BNIP2: variants seen among roughly 807,000 people sequenced by gnomAD.
BNIP2 encodes BCL2 interacting protein 2, also known as BCL2/adenovirus E1B 19 kDa protein-interacting protein 2.
A neutral mutation model predicts 43.4 loss-of-function variants in BNIP2; 36 were observed. That is an observed-to-expected ratio of 0.83 (90% CI 0.64 to 1.10). The LOEUF (loss-of-function observed/expected upper bound fraction) is 1.10, where lower values mean the gene tolerates loss of function less well. Ranked by LOEUF, BNIP2 falls within the 50% of genes least tolerant of loss-of-function variation. The probability of loss-of-function intolerance (pLI) is 0.00; values close to 1 mark genes in which losing one functional copy is unlikely to be tolerated. For synonymous variants in BNIP2, 146 were observed against 121.0 expected (o/e 1.21, Z -1.35); for missense variants, 417 against 374.1 (o/e 1.11, Z -0.95).
At chr15:59,671,888 C>G (rs1462232008) in intron 6 of BNIP2, among the ~76,000 whole-genome samples, 1 of 152,098 alleles carries the variant, frequency 6.6e-6, no homozygotes, top group Admixed American at 6.5e-5. Flanking sequence ...CCAACCCTGG[C>G]AACATAGTGA....
intron 1 of BNIP2, among the ~76,000 whole-genome samples, chr15:59,688,075 C>T (rs935306933): frequency 1.3e-5 from 2 of 152,162 alleles, no homozygotes; most frequent in Non-Finnish European, 2.9e-5. Context: ...GTTCCGTTTG[C>T]AGAAGTGGAT....
chr15:59,669,644 A>T (rs796275262), intron 7 of BNIP2, among the ~76,000 whole-genome samples: 59 of 152,328 alleles, frequency 3.9e-4, no homozygotes, highest in African/African-American at 1.4e-3. Context: ...AGGACTCTGT[A>T]AACAGGGAAA....
In BNIP2 at chr15:59,662,355, A is replaced by C. The variant is rs1481119917; in HGVS notation, c.*1714T>G. On this transcript the variant is annotated 3_prime_UTR_variant, in exon 10 of 10. Transcript: ENST00000607373. ...TTGTTAGTTTGCTTCTTCAACAACA[A>C]GTGTTCCTAAAATGTGAGCAAGCAA... is the stretch of plus-strand genomic sequence containing the variant. 1 of 152,224 alleles carries C rather than the reference A, an allele frequency of 6.6e-6. No homozygotes were observed. The highest frequency in any genetic ancestry group is 1.5e-5 in the Non-Finnish European group (1 of 68,036). The allele number at this position is 152,224 out of a possible 1,614,324, so 9.4% of individuals were successfully genotyped here. A position where few individuals can be genotyped will look rare whatever the true frequency, so the allele number is the denominator to read the frequency against.
chr15:59,669,931 T>C (rs926439916), intron 7 of BNIP2, among the ~76,000 whole-genome samples: 10 of 152,220 alleles, frequency 6.6e-5, no homozygotes, highest in Non-Finnish European at 5.9e-5. Context: ...GTGAGATACA[T>C]ATATAATCAT....
At chr15:59,689,077 G>A (rs1431031115) in intron 1 of BNIP2, 58 bp downstream of exon 1, 2 of 1,504,458 alleles carry the variant, frequency 1.3e-6, no homozygotes, top group African/African-American at 1.4e-5. Flanking sequence ...TCGCCCCTAG[G>A]CCGGTTCCCA....
chr15:59,669,213 G>T, intron 8 of BNIP2, 63 bp downstream of exon 8: 1 of 1,186,484 alleles, frequency 8.4e-7, no homozygotes, highest in Non-Finnish European at 1.2e-6. Flanking sequence ...TAGTTATTAT[G>T]TGTTAACTAA....
intron 5 of BNIP2, among the ~76,000 whole-genome samples, chr15:59,674,505 T>A (rs1443671176): frequency 1.3e-5 from 2 of 152,222 alleles, no homozygotes; most frequent in Non-Finnish European, 2.9e-5. Context: ...TGATGCAGAT[T>A]ACGCCATTTT....
chr15:59,686,351 C>A (rs867455897), intron 1 of BNIP2, among the ~76,000 whole-genome samples: 3 of 152,098 alleles, frequency 2.0e-5, no homozygotes, highest in Admixed American at 6.5e-5. Flanking sequence ...GAAGTTCAAG[C>A]CTAGCTTGGG....
intron 4 of BNIP2, chr15:59,678,760 G>C: frequency 7.7e-7 from 1 of 1,293,142 alleles, no homozygotes; most frequent in Non-Finnish European, 1.0e-6. Context: ...AAAGATGGGG[G>C]GAGGGGGAAA....
rs1555395531 is a variant in BNIP2, at chr15:59,660,783, G to GAAAAAGCA, written c.*3285_*3286insTGCTTTTT. The GAAAAAGCA allele has an allele frequency of 6.6e-6, 1 of 151,812 alleles. No homozygotes were observed. Among genetic ancestry groups the GAAAAAGCA allele is most frequent in the Non-Finnish European group, 1.5e-5 (1 of 67,996 alleles). 9.4% of individuals were successfully genotyped at this position (151,812 alleles called of 1,614,324 possible). On this transcript the variant is annotated 3_prime_UTR_variant, in exon 10 of 10. Coordinates refer to ENST00000607373, the MANE Select transcript of BNIP2 (RefSeq NM_004330.4). ...TCAATGTTCAGCAACAGTGAAATAT[G>GAAAAAGCA]AAAAAACAAAAAAACCAACCAAAAA... is the stretch of plus-strand genomic sequence containing the variant.
intron 5 of BNIP2, chr15:59,677,188 T>C: frequency 6.3e-7 from 1 of 1,593,858 alleles, no homozygotes; most frequent in East Asian, 2.2e-5. Flanking sequence ...AAGGATCCAG[T>C]GGAACCACAT....
rs549799292 is a variant in BNIP2 at position 59,663,343 on chromosome 15, C to A, written c.*726G>T. On this transcript the variant is annotated 3_prime_UTR_variant, in exon 10 of 10. Coordinates refer to ENST00000607373, the MANE Select transcript of BNIP2 (RefSeq NM_004330.4). ...ATATATACAAACCCTAATTCCTACC[C>A]TCTTAAATCCTCTAGTTCTAAGAAT... 1.3e-5 allele frequency: 2 copies of A among 152,422 alleles called. No homozygotes were observed. Among genetic ancestry groups the A allele is most frequent in the Admixed American group, 1.3e-4 (2 of 15,304 alleles). The allele number at this position is 152,422 out of a possible 1,614,324, so 9.4% of individuals were successfully genotyped here.
intron 4 of BNIP2, 99 bp from the exon 5 acceptor site, chr15:59,678,186 A>G (rs1191559910): frequency 2.8e-6 from 4 of 1,435,498 alleles, no homozygotes; most frequent in Non-Finnish European, 2.7e-6. Context: ...GAGAATTTTC[A>G]TTATACCATC....
chr15:59,666,164 GTCAC>G (rs1169004500), intron 9 of BNIP2, among the ~76,000 whole-genome samples: 2 of 151,914 alleles, frequency 1.3e-5, no homozygotes, highest in African/African-American at 4.8e-5. Context: ...TCCTTTTTCT[GTCAC>G]TGGGGACACT....
At chr15:59,669,448 A>C in intron 7 of BNIP2, 86 bp from the exon 8 acceptor site, 3 of 930,336 alleles carry the variant, frequency 3.2e-6, no homozygotes, top group Non-Finnish European at 4.7e-6. Flanking sequence ...ACAAAATAAT[A>C]GTTGAAAAAT....
intron 9 of BNIP2, among the ~76,000 whole-genome samples, chr15:59,667,316 C>T (rs1201237045): frequency 2.0e-5 from 3 of 152,084 alleles, no homozygotes; most frequent in Admixed American, 6.5e-5. Flanking sequence ...AATCTCTCAC[C>T]GTAACTCTTA....
intron 1 of BNIP2, among the ~76,000 whole-genome samples, chr15:59,683,018 T>G (rs1051954582): frequency 2.2e-4 from 34 of 152,346 alleles, no homozygotes; most frequent in African/African-American, 8.2e-4. Context: ...CCACAATTCC[T>G]GAGCCACTTA....
In BNIP2 at chr15:59,689,152, C is replaced by T. The variant is rs2142029495; in HGVS notation, c.-75G>A. 6.5e-7 allele frequency: 1 copy of T among 1,537,508 alleles called. No individual in the cohort carries two copies. The highest frequency in any genetic ancestry group is 8.7e-7 in the Non-Finnish European group (1 of 1,146,384). On this transcript the variant is annotated 5_prime_UTR_variant, in exon 1 of 10. Coordinates refer to ENST00000607373, the MANE Select transcript of BNIP2 (RefSeq NM_004330.4). ...GCACTCACCCCGGAGGAAGCCTTGG[C>T]CCCCTCGTCCTCTTCGCCCCTCCAG...
At chr15:59,675,944 C>T (rs1268600882) in intron 5 of BNIP2, among the ~76,000 whole-genome samples, 1 of 152,024 alleles carries the variant, frequency 6.6e-6, no homozygotes, top group Admixed American at 6.6e-5. Flanking sequence ...CAGTGGCTAC[C>T]GAAGCTGAGT....
Sources: allele counts gnomAD v4.1 joint callset (sites outside exome capture counted in the v4.1 genomes callset), GRCh38; gene constraint gnomAD v4.1.1; transcripts MANE v1.5; gene names NCBI Gene and HGNC (gene_info 2026-07-23, HGNC 2026-07-21).